CYRIA: variants seen among roughly 807,000 people sequenced by gnomAD.
CYRIA encodes CYFIP-related Rac1 interactor A.
CYRIA carries 15 observed loss-of-function variants against 43.9 expected under a neutral mutation model. The observed-to-expected ratio is 0.34, with a 90% confidence interval of 0.23 to 0.53. The LOEUF (loss-of-function observed/expected upper bound fraction) is 0.53. Ranked by LOEUF, CYRIA falls within the 20% of genes least tolerant of loss-of-function variation. The pLI is 0.94. For missense variants in CYRIA, 236 were observed against 394.2 expected (o/e 0.60, Z 3.40); for synonymous variants, 117 against 136.0 (o/e 0.86, Z 0.97).
In CYRIA at chr2:16,582,716, A is replaced by G. The variant is rs142649042; in HGVS notation, c.70+5334T>C. Among the ~76,000 whole-genome samples, 366 of 152,264 alleles carry G rather than the reference A, an allele frequency of 2.4e-3. 7 individuals carry two copies. The highest frequency in any genetic ancestry group is 8.3e-3 in the African/African-American group (343 of 41,556). On this transcript the variant is annotated intron_variant, in intron 3 of 11. Coordinates refer to ENST00000381323, the MANE Select transcript of CYRIA (RefSeq NM_030797.4). Reference sequence around the variant, plus strand: ...ACTTCATTTTTTTAATTGATCAATAATATTGCATTGAATTGATATAACATT... The same window carrying G: ...ACTTCATTTTTTTAATTGATCAATAGTATTGCATTGAATTGATATAACATT...
chr2:16,590,610 G>T (rs1338278233), intron 2 of CYRIA, among the ~76,000 whole-genome samples: 1 of 152,148 alleles, frequency 6.6e-6, no homozygotes, highest in Non-Finnish European at 1.5e-5. Flanking sequence ...ACAAGTAAAA[G>T]TATGTCCAAA....
intron 1 of CYRIA, among the ~76,000 whole-genome samples, chr2:16,653,814 T>C (rs1384174806): frequency 2.0e-5 from 3 of 152,214 alleles, no homozygotes; most frequent in African/African-American, 4.8e-5. Context: ...AAAGGGCATT[T>C]TGAAAACAGG....
intron 3 of CYRIA, among the ~76,000 whole-genome samples, chr2:16,586,773 T>A (rs1667743545): frequency 6.6e-6 from 1 of 152,118 alleles, no homozygotes; most frequent in Non-Finnish European, 1.5e-5. Context: ...GAAGTTCCAA[T>A]TATTATTTTT....
chr2:16,661,915 T>A (rs1670265596), intron 1 of CYRIA, among the ~76,000 whole-genome samples: 1 of 152,122 alleles, frequency 6.6e-6, no homozygotes, highest in Admixed American at 6.5e-5. Flanking sequence ...TACTGATAAT[T>A]GAGAAAAATG....
intron 1 of CYRIA, among the ~76,000 whole-genome samples, chr2:16,653,397 C>T (rs1670023146): frequency 6.6e-6 from 1 of 152,234 alleles, no homozygotes; most frequent in Non-Finnish European, 1.5e-5. Context: ...GTCCTTCAGG[C>T]CTTCACTCAA....
chr2:16,661,177 G>A (rs1418878718), intron 1 of CYRIA, among the ~76,000 whole-genome samples: 1 of 152,050 alleles, frequency 6.6e-6, no homozygotes, highest in African/African-American at 2.4e-5. Context: ...CAGGAGGCTG[G>A]GGTGGGAGGA....
chr2:16,572,832 TTTC>T (rs146219098), intron 3 of CYRIA, among the ~76,000 whole-genome samples: 5,748 of 152,248 alleles, frequency 0.038, 311 homozygotes, highest in African/African-American at 0.11. Flanking sequence ...TCAAGAAACA[TTTC>T]TTTAGTCAAA....
intron 1 of CYRIA, among the ~76,000 whole-genome samples, chr2:16,645,791 T>G (rs1047649722): frequency 1.3e-5 from 2 of 152,250 alleles, no homozygotes; most frequent in Non-Finnish European, 2.9e-5. Context: ...TAATGATGGA[T>G]GATTATTCAT....
At chr2:16,578,485 A>C (rs1667430754) in intron 3 of CYRIA, among the ~76,000 whole-genome samples, 1 of 152,250 alleles carries the variant, frequency 6.6e-6, no homozygotes, top group Non-Finnish European at 1.5e-5. Context: ...TATGTTAAAG[A>C]ATCTATAATG....
At chr2:16,603,379 T>G (rs913497639) in intron 2 of CYRIA, among the ~76,000 whole-genome samples, 1 of 152,208 alleles carries the variant, frequency 6.6e-6, no homozygotes, top group East Asian at 1.9e-4. Context: ...GTTTCAGAGA[T>G]AAATAATCTT....
intron 1 of CYRIA, among the ~76,000 whole-genome samples, chr2:16,646,820 T>TA (rs1191736602): frequency 6.8e-6 from 1 of 147,810 alleles, no homozygotes; most frequent in East Asian, 1.9e-4. Flanking sequence ...AAAGGTGAAT[T>TA]AAAGGGGGGG....
At position 16,588,440 on chromosome 2, in the gene CYRIA, A is replaced by C. The variant is rs568676887; in HGVS notation, c.-10-311T>G. ...TCTCGTTCACCATATAAAAAAAAAA[A>C]AACATAAAGAACAGCCTATGAAAAG... is the stretch of plus-strand genomic sequence containing the variant. On this transcript the variant is annotated intron_variant, in intron 2 of 11. Coordinates refer to ENST00000381323, the MANE Select transcript of CYRIA (RefSeq NM_030797.4). Among the ~76,000 whole-genome samples the C allele has an allele frequency of 2.0e-5, 3 of 152,066 alleles. No homozygotes were observed. In the South Asian group the frequency reaches 6.2e-4, roughly 32 times the overall value.
chr2:16,593,670 A>T (rs1407519491), intron 2 of CYRIA, among the ~76,000 whole-genome samples: 1 of 146,314 alleles, frequency 6.8e-6, no homozygotes, highest in African/African-American at 2.5e-5. Context: ...ATCATCAAAG[A>T]TTTAACTTTA....
chr2:16,572,007 GC>G (rs1296583589), intron 3 of CYRIA, among the ~76,000 whole-genome samples: 3 of 152,178 alleles, frequency 2.0e-5, no homozygotes, highest in Admixed American at 2.0e-4. Flanking sequence ...TTACACCAGG[GC>G]CCGAAGCCCT....
intron 11 of CYRIA, 70 bp from the exon 12 acceptor site, chr2:16,553,069 C>T: frequency 1.1e-6 from 1 of 947,348 alleles, no homozygotes. Flanking sequence ...CCATCTTTAC[C>T]TTCGGAAACA....
intron 3 of CYRIA, among the ~76,000 whole-genome samples, chr2:16,586,473 A>C (rs1667732557): frequency 6.6e-6 from 1 of 152,096 alleles, no homozygotes; most frequent in Admixed American, 6.6e-5. Flanking sequence ...CTCTAGCTAA[A>C]CCCCTTACCA....
intron 1 of CYRIA, among the ~76,000 whole-genome samples, chr2:16,625,929 G>A (rs1669148661): frequency 2.0e-5 from 3 of 151,686 alleles, no homozygotes; most frequent in Middle Eastern, 3.4e-3. Flanking sequence ...CACAAATGCT[G>A]CTATTTTCCA....
Position 16,552,891 on chromosome 2 carries a change from C to T in CYRIA, c.*45G>A. ...CTGTATTAAATTATGTAAACATATA[C>T]ATCTTCTGAGGTCAGCACATAGATC... On this transcript the variant is annotated 3_prime_UTR_variant, in exon 12 of 12. Coordinates refer to ENST00000381323, the MANE Select transcript of CYRIA (RefSeq NM_030797.4). 8.6e-7 allele frequency: 1 copy of T among 1,161,724 alleles called. No homozygotes were observed. The highest frequency in any genetic ancestry group is 1.2e-5 in the South Asian group (1 of 81,944). 72.0% of individuals were successfully genotyped at this position (1,161,724 alleles called of 1,614,324 possible). A position where few individuals can be genotyped will look rare whatever the true frequency, so the allele number is the denominator to read the frequency against.
At chr2:16,631,162 T>G (rs1001779427) in intron 1 of CYRIA, among the ~76,000 whole-genome samples, 1 of 152,252 alleles carries the variant, frequency 6.6e-6, no homozygotes, top group Non-Finnish European at 1.5e-5. Context: ...TGGACTACTT[T>G]GAAAACCAAA....
Sources: gnomAD v4.1 joint callset for allele counts (sites outside exome capture counted in the v4.1 genomes callset) on GRCh38, gnomAD v4.1.1 for gene constraint, MANE v1.5 for transcripts, NCBI Gene and HGNC (gene_info 2026-07-23, HGNC 2026-07-21) for gene names.